WWOX: variants seen among roughly 807,000 people sequenced by gnomAD.
WWOX encodes the protein WW domain-containing oxidoreductase.
In WWOX, 69 loss-of-function variants were observed where a neutral mutation model predicts 46.2. The observed-to-expected ratio is 1.49, with a 90% confidence interval of 1.23 to 1.82. The LOEUF is 1.82. WWOX is among the 40% of genes most tolerant of loss of function. The pLI is 0.00. For synonymous variants in WWOX, 359 were observed against 202.6 expected, an observed-to-expected ratio of 1.77 and a Z score of -6.56; for missense variants, 919 against 542.6, an observed-to-expected ratio of 1.69 and a Z score of -6.89.
intron 8 of WWOX, among the ~76,000 whole-genome samples, chr16:78,816,672 A>G (rs931178973): frequency 6.6e-6 from 1 of 152,038 alleles, no homozygotes; most frequent in Non-Finnish European, 1.5e-5. Context: ...TTGTAGTACA[A>G]TGTTCAGGAC....
intron 8 of WWOX, among the ~76,000 whole-genome samples, chr16:79,181,796 A>G (rs1597452701): frequency 6.6e-6 from 1 of 152,162 alleles, no homozygotes; most frequent in Non-Finnish European, 1.5e-5. Context: ...TCAGCCTGCA[A>G]ACAATCCCAC....
At chr16:78,190,340 C>T (rs542161554) in intron 5 of WWOX, among the ~76,000 whole-genome samples, 22 of 152,278 alleles carry the variant, frequency 1.4e-4, no homozygotes, top group African/African-American at 5.1e-4. Context: ...GAGAGCAAAA[C>T]AGTTCTTTTG....
intron 8 of WWOX, among the ~76,000 whole-genome samples, chr16:79,026,273 C>G (rs1432485016): frequency 1.3e-5 from 2 of 151,768 alleles, no homozygotes; most frequent in Non-Finnish European, 2.9e-5. Context: ...CCTCGGTCAA[C>G]TCCTAACTCC....
intron 5 of WWOX, among the ~76,000 whole-genome samples, chr16:78,219,105 G>A (rs1269713838): frequency 2.6e-5 from 4 of 151,974 alleles, no homozygotes; most frequent in Non-Finnish European, 4.4e-5. Flanking sequence ...CACACCAGAT[G>A]GAATTTTCCA....
Position 78,825,684 on chromosome 16 carries a change from G to A in WWOX, c.1057-385924G>A, listed in dbSNP as rs1373038734. 7.4e-6 allele frequency: 4 copies of A among 541,074 alleles called. No individual in the cohort carries two copies. In the East Asian group the frequency reaches 1.7e-4, roughly 23 times the overall value. The allele number at this position is 541,074 out of a possible 1,614,324, so 33.5% of individuals were successfully genotyped here. Reference sequence around the variant, plus strand: ...TAGGGGGGCCATAGGCTGCCAAGCTGTGGTTTCTGGGAGACTCTGAGGACA... The same window carrying A: ...TAGGGGGGCCATAGGCTGCCAAGCTATGGTTTCTGGGAGACTCTGAGGACA... On this transcript the variant is annotated intron_variant, in intron 8 of 8. Coordinates refer to ENST00000566780, the MANE Select transcript of WWOX (RefSeq NM_016373.4).
At chr16:79,186,721 C>A (rs551248997) in intron 8 of WWOX, among the ~76,000 whole-genome samples, 12 of 152,222 alleles carry the variant, frequency 7.9e-5, no homozygotes, top group African/African-American at 2.6e-4. Context: ...GTTGCCATAC[C>A]TCAAGTATCT....
intron 8 of WWOX, among the ~76,000 whole-genome samples, chr16:78,800,595 C>T (rs1338663091): frequency 6.6e-6 from 1 of 152,170 alleles, no homozygotes; most frequent in Non-Finnish European, 1.5e-5. Context: ...TAGAATTTGC[C>T]ATTCGCTTCC....
In WWOX at chr16:79,195,259, C is replaced by T. The variant is rs368008389; in HGVS notation, c.1057-16349C>T. On this transcript the variant is annotated intron_variant, in intron 8 of 8. Coordinates refer to ENST00000566780, the MANE Select transcript of WWOX (RefSeq NM_016373.4). ...CTGGGGAGTGTTCTAGGATCCACAC[C>T]TGTAGGGGAACGTAGCAAGCAGGAT... Among the ~76,000 whole-genome samples the T allele has an allele frequency of 1.6e-4, 25 of 152,134 alleles. No individual in the cohort carries two copies. The South Asian group carries it at 5.2e-3, about 32-fold the overall frequency.
intron 8 of WWOX, among the ~76,000 whole-genome samples, chr16:78,592,780 A>T (rs2045381453): frequency 6.6e-6 from 1 of 152,006 alleles, no homozygotes; most frequent in Admixed American, 6.6e-5. Flanking sequence ...TGGGGTGGCC[A>T]CTCCACCGTC....
chr16:78,443,156 A>G (rs2083483486), intron 8 of WWOX, among the ~76,000 whole-genome samples: 1 of 141,794 alleles, frequency 7.1e-6, no homozygotes, highest in Admixed American at 7.0e-5. Context: ...AAAAAAAAAA[A>G]AGGCTGTGTG....
chr16:78,970,637 T>C (rs2046451509), intron 8 of WWOX, among the ~76,000 whole-genome samples: 2 of 152,156 alleles, frequency 1.3e-5, no homozygotes. Context: ...AAGATTATAG[T>C]GTAATGCCAG....
chr16:79,209,567 G>C (rs1199472957), intron 8 of WWOX, among the ~76,000 whole-genome samples: 1 of 152,198 alleles, frequency 6.6e-6, no homozygotes, highest in Non-Finnish European at 1.5e-5. Context: ...CCACTCGGGA[G>C]TTAATGGCAA....
In WWOX at chr16:78,546,346, G is replaced by T. The variant is rs116192719; in HGVS notation, c.1056+113594G>T. On this transcript the variant is annotated intron_variant, in intron 8 of 8. Coordinates refer to ENST00000566780, the MANE Select transcript of WWOX (RefSeq NM_016373.4). ...GGTAGAGAAAACAGTAGTGTGATCA[G>T]AACTTTAAGGCCCGGTTCTGTATAC... Among the ~76,000 whole-genome samples the T allele has an allele frequency of 4.7e-3, 713 of 152,156 alleles. 5 individuals are homozygous for T. The highest frequency in any genetic ancestry group is 0.016 in the African/African-American group (674 of 41,502).
chr16:79,149,632 T>C (rs186401347), intron 8 of WWOX, among the ~76,000 whole-genome samples: 2 of 152,316 alleles, frequency 1.3e-5, no homozygotes, highest in African/African-American at 4.8e-5. Flanking sequence ...TAAGAACCAA[T>C]GAGCATTTAG....
At chr16:78,250,167 G>C (rs903906408) in intron 5 of WWOX, among the ~76,000 whole-genome samples, 18 of 152,156 alleles carry the variant, frequency 1.2e-4, no homozygotes, top group African/African-American at 4.3e-4. Context: ...CTCCAATTTA[G>C]GGGGCTGTAT....
At chr16:78,570,304 A>G (rs1173835163) in intron 8 of WWOX, among the ~76,000 whole-genome samples, 2 of 152,200 alleles carry the variant, frequency 1.3e-5, no homozygotes, top group African/African-American at 4.8e-5. Flanking sequence ...TTTCTGAAAC[A>G]TTGGTAGTAG....
intron 8 of WWOX, among the ~76,000 whole-genome samples, chr16:78,495,757 C>G (rs574139096): frequency 1.2e-4 from 19 of 152,212 alleles, no homozygotes; most frequent in African/African-American, 4.3e-4. Context: ...GATTCCCTGC[C>G]TCCACCTCCC....
chr16:78,936,878 C>T (rs765058231), intron 8 of WWOX, among the ~76,000 whole-genome samples: 1 of 152,186 alleles, frequency 6.6e-6, no homozygotes, highest in African/African-American at 2.4e-5. Context: ...TGAAGTATTA[C>T]AGGGTGTCAC....
intron 8 of WWOX, among the ~76,000 whole-genome samples, chr16:79,012,339 T>C (rs1299816486): frequency 1.3e-5 from 2 of 151,954 alleles, no homozygotes; most frequent in Non-Finnish European, 2.9e-5. Flanking sequence ...TTCAAGTAAT[T>C]CTCCTACCTC....
Sources: allele counts gnomAD v4.1 joint callset (sites outside exome capture counted in the v4.1 genomes callset), GRCh38; gene constraint gnomAD v4.1.1; transcripts MANE v1.5; gene names NCBI Gene and HGNC (gene_info 2026-07-23, HGNC 2026-07-21).